TMED5: variants seen among roughly 807,000 people sequenced by gnomAD.
The protein encoded by TMED5 is transmembrane p24 trafficking protein 5, also known as transmembrane emp24 domain-containing protein 5.
Under a neutral mutation model 23.0 loss-of-function variants are expected in TMED5, and 27 were observed. The ratio of observed to expected loss-of-function variants is 1.17; its 90% CI spans 0.86 to 1.62. TMED5 has a LOEUF of 1.62. Ranked by LOEUF, TMED5 falls within the 40% of genes most tolerant of loss-of-function variation. The pLI is 0.00. For missense variants in TMED5, 248 were observed against 273.7 expected (o/e 0.91, Z 0.66); for synonymous variants, 97 against 100.8 (o/e 0.96, Z 0.23).
intron 1 of TMED5, among the ~76,000 whole-genome samples, chr1:93,169,872 A>G (rs979247474): frequency 1.9e-5 from 2 of 105,462 alleles, no homozygotes; most frequent in African/African-American, 6.8e-5. Context: ...GCAAAGTGAG[A>G]CCCTGTCTGT....
Position 93,153,325 on chromosome 1 carries a change from C to T in TMED5, c.*1345G>A, listed in dbSNP as rs902687704. Reference sequence around the variant, plus strand: ...TGGGAGTCTATGTTTCTAATCCTTACTTCAACATCAATAAATAAAGTGTTC... The same window carrying T: ...TGGGAGTCTATGTTTCTAATCCTTATTTCAACATCAATAAATAAAGTGTTC... On this transcript the variant is annotated 3_prime_UTR_variant, in exon 4 of 4. Transcript: ENST00000370282. The T allele has an allele frequency of 2.0e-5, 3 of 151,976 alleles. No individual in the cohort carries two copies. Among genetic ancestry groups the T allele is most frequent in the African/African-American group, 7.3e-5 (3 of 41,310 alleles). The allele number at this position is 151,976 out of a possible 1,614,324, so 9.4% of individuals were successfully genotyped here. A position where few individuals can be genotyped will look rare whatever the true frequency, so the allele number is the denominator to read the frequency against.
chr1:93,161,205 CTAT>C (rs1200305574), intron 1 of TMED5: 6 of 151,814 alleles, frequency 4.0e-5, no homozygotes, highest in East Asian at 1.9e-4. Context: ...AAGGTAGGTC[CTAT>C]TATTCTCATT....
At chr1:93,178,882 T>G (rs1649071076) in intron 1 of TMED5, among the ~76,000 whole-genome samples, 1 of 152,204 alleles carries the variant, frequency 6.6e-6, no homozygotes. Context: ...CATTTGATGA[T>G]TATAATTAAC....
chr1:93,167,822 G>A (rs773145225), intron 1 of TMED5, among the ~76,000 whole-genome samples: 6 of 152,124 alleles, frequency 3.9e-5, no homozygotes, highest in Non-Finnish European at 8.8e-5. Flanking sequence ...GTGCATCTTT[G>A]TTGTGTTCCA....
rs1649301689 is a variant in TMED5 at position 93,180,321 on chromosome 1, G to GT, written c.-80dup. The GT allele has an allele frequency of 1.4e-6, 2 of 1,453,576 alleles. No homozygotes were observed. The highest frequency in any genetic ancestry group is 1.8e-6 in the Non-Finnish European group (2 of 1,087,664). The allele number at this position is 1,453,576 out of a possible 1,614,324, so 90.0% of individuals were successfully genotyped here. The stretch of plus-strand genomic sequence containing the variant: ...TCCGCGTTTCCTCTCTGGACTCCTC[G>GT]TGGTTGACAGGGAAATCTGGAGTCT... On this transcript the variant is annotated 5_prime_UTR_variant, in exon 1 of 4. Coordinates refer to ENST00000370282, the MANE Select transcript of TMED5 (RefSeq NM_016040.5).
At chr1:93,157,458 G>C (rs1481890403) in intron 2 of TMED5, among the ~76,000 whole-genome samples, 1 of 152,114 alleles carries the variant, frequency 6.6e-6, no homozygotes, top group Non-Finnish European at 1.5e-5. Flanking sequence ...GGCCAGGTGC[G>C]GTGGCTCATA....
chr1:93,167,687 T>C (rs193119635), intron 1 of TMED5, among the ~76,000 whole-genome samples: 2,245 of 152,310 alleles, frequency 0.015, 28 homozygotes, highest in Non-Finnish European at 0.023. Context: ...ATATAAGATA[T>C]ATCATTTGCA....
intron 2 of TMED5, among the ~76,000 whole-genome samples, chr1:93,156,880 T>TTACC (rs931099321): frequency 1.3e-5 from 2 of 151,554 alleles, no homozygotes; most frequent in African/African-American, 4.8e-5. Flanking sequence ...ATTGGACAGC[T>TTACC]TACCCATAAA....
At chr1:93,177,309 T>C (rs1648949774) in intron 1 of TMED5, among the ~76,000 whole-genome samples, 1 of 152,068 alleles carries the variant, frequency 6.6e-6, no homozygotes. Context: ...CCGGGCGCGG[T>C]GGCTCACACC....
chr1:93,170,080 A>G (rs1440229083), intron 1 of TMED5, among the ~76,000 whole-genome samples: 1 of 152,142 alleles, frequency 6.6e-6, no homozygotes, highest in Non-Finnish European at 1.5e-5. Context: ...AATATAAATA[A>G]AAGGATAATA....
intron 2 of TMED5, among the ~76,000 whole-genome samples, chr1:93,156,999 T>C (rs900834715): frequency 2.6e-5 from 4 of 152,178 alleles, no homozygotes; most frequent in Admixed American, 2.0e-4. Context: ...CAGTAAATTA[T>C]GGTTAGTGAC....
intron 1 of TMED5, among the ~76,000 whole-genome samples, chr1:93,178,854 A>G (rs922601401): frequency 6.6e-6 from 1 of 152,186 alleles, no homozygotes; most frequent in African/African-American, 2.4e-5. Flanking sequence ...AATTCTCTAC[A>G]TCAACTTAAA....
intron 1 of TMED5, among the ~76,000 whole-genome samples, chr1:93,169,022 C>G (rs1648605170): frequency 1.3e-5 from 2 of 152,172 alleles, no homozygotes; most frequent in African/African-American, 4.8e-5. Context: ...ATCCCTCTAT[C>G]AGTAATTGAC....
At chr1:93,176,544 T>TA (rs920386004) in intron 1 of TMED5, among the ~76,000 whole-genome samples, 40 of 152,064 alleles carry the variant, frequency 2.6e-4, no homozygotes, top group African/African-American at 5.8e-4. Context: ...TATATATATA[T>TA]TTTTTTGAGG....
In TMED5 at chr1:93,156,235, A is replaced by T. The variant is rs562365043; in HGVS notation, c.471+65T>A. 3.1e-4 allele frequency: 438 copies of T among 1,424,656 alleles called. 3 individuals are homozygous for T. Among genetic ancestry groups the T allele is most frequent in the South Asian group, 2.8e-3 (228 of 82,456 alleles). The allele number at this position is 1,424,656 out of a possible 1,614,324, so 88.3% of individuals were successfully genotyped here. A position where few individuals can be genotyped will look rare whatever the true frequency, so the allele number is the denominator to read the frequency against. On this transcript the variant is annotated intron_variant, in intron 3 of 3. Transcript: ENST00000370282. The stretch of plus-strand genomic sequence containing the variant: ...TGCAGATAAAATGCTTAGTTCAGTA[A>T]CTTATTACCATAGTAAGGCCTCTGG...
In TMED5 at chr1:93,151,122, G is replaced by A. The variant is rs1478241099; in HGVS notation, c.*3548C>T. On this transcript the variant is annotated 3_prime_UTR_variant, in exon 4 of 4. Coordinates refer to ENST00000370282, the MANE Select transcript of TMED5 (RefSeq NM_016040.5). ...CCCTGTCTTATGTAACATCATCCTA[G>A]CTCTAGATTCTTTAATTGGTGTCCT... is the stretch of plus-strand genomic sequence containing the variant. The A allele has an allele frequency of 6.6e-6, 1 of 152,120 alleles. No homozygotes were observed. Among genetic ancestry groups the A allele is most frequent in the African/African-American group, 2.4e-5 (1 of 41,424 alleles). 9.4% of individuals were successfully genotyped at this position (152,120 alleles called of 1,614,324 possible). A position where few individuals can be genotyped will look rare whatever the true frequency, so the allele number is the denominator to read the frequency against.
chr1:93,173,744 G>A (rs1208961639), intron 1 of TMED5, among the ~76,000 whole-genome samples: 2 of 152,146 alleles, frequency 1.3e-5, no homozygotes. Flanking sequence ...CCAGTTATAT[G>A]AACCAATAGA....
In TMED5 at chr1:93,175,515, T is replaced by G. The variant is rs529194088; in HGVS notation, c.189+4539A>C. Among the ~76,000 whole-genome samples the G allele has an allele frequency of 8.6e-5, 13 of 151,570 alleles. No individual in the cohort carries two copies. The South Asian group carries it at 1.2e-3, about 15-fold the overall frequency. ...ATAATAAATACTCAAAAGACATTTT[T>G]TCCCAAAGATCAATAAAGTAGTCCT... On this transcript the variant is annotated intron_variant, in intron 1 of 3. Transcript: ENST00000370282.
At position 93,164,673 on chromosome 1, in the gene TMED5, T is replaced by G. The variant is rs1266341384; in HGVS notation, c.190-4447A>C. Among the ~76,000 whole-genome samples the G allele has an allele frequency of 2.6e-5, 4 of 152,258 alleles. No homozygotes were observed. In the South Asian group the frequency reaches 8.3e-4, roughly 32 times the overall value. ...ATGTAGTCCTCCATCGTGGAATGCC[T>G]GGGAGGAGGAAATGCAAAAACCTTT... On this transcript the variant is annotated intron_variant, in intron 1 of 3. Transcript: ENST00000370282.
Sources: allele counts gnomAD v4.1 joint callset (sites outside exome capture counted in the v4.1 genomes callset), GRCh38; gene constraint gnomAD v4.1.1; transcripts MANE v1.5; gene names NCBI Gene and HGNC (gene_info 2026-07-23, HGNC 2026-07-21).